The following AXDND1 variants were observed in gnomAD, a reference collection of about 807,000 sequenced individuals.
AXDND1 encodes the protein axonemal dynein light chain domain-containing protein 1.
AXDND1 carries 110 observed loss-of-function variants against 137.5 expected under a neutral mutation model. The observed-to-expected ratio is 0.80, with a 90% CI of 0.69 to 0.94. The LOEUF (loss-of-function observed/expected upper bound fraction) is 0.94. Ranked by LOEUF, AXDND1 falls within the 40% of genes least tolerant of loss-of-function variation. AXDND1 has a pLI of 0.00. For synonymous variants in AXDND1, 414 were observed against 399.7 expected (o/e 1.04, Z -0.43); for missense variants, 1,191 against 1,169.8 (o/e 1.02, Z -0.26).
At chr1:179,546,453 G>A (rs545427262) in intron 25 of AXDND1, among the ~76,000 whole-genome samples, 1 of 152,246 alleles carries the variant, frequency 6.6e-6, no homozygotes, top group South Asian at 2.1e-4. Flanking sequence ...CACCTTCTCA[G>A]GGTGTCCCTG....
chr1:179,396,221 A>G (rs1020784812), intron 11 of AXDND1, among the ~76,000 whole-genome samples: 6 of 151,876 alleles, frequency 4.0e-5, no homozygotes, highest in Non-Finnish European at 7.4e-5. Context: ...AAAAAAATAC[A>G]TCTATATCTA....
intron 16 of AXDND1, chr1:179,447,952 G>A: frequency 7.2e-7 from 1 of 1,393,908 alleles, no homozygotes; most frequent in Non-Finnish European, 1.0e-6. Flanking sequence ...CGTTGAGCTG[G>A]CTGCCAAAGA....
intron 18 of AXDND1, among the ~76,000 whole-genome samples, chr1:179,484,358 C>T (rs1223415358): frequency 6.6e-6 from 1 of 152,132 alleles, no homozygotes; most frequent in East Asian, 1.9e-4. Flanking sequence ...CTTTAGGAGA[C>T]ATTAATCTTA....
chr1:179,371,362 AG>A (rs749208952), intron 4 of AXDND1, among the ~76,000 whole-genome samples: 1 of 152,144 alleles, frequency 6.6e-6, no homozygotes, highest in East Asian at 1.9e-4. Context: ...CAGGAGGTGG[AG>A]GTTGCAGTGA....
chr1:179,407,321 T>A (rs767837269), intron 11 of AXDND1, among the ~76,000 whole-genome samples: 1 of 151,750 alleles, frequency 6.6e-6, no homozygotes, highest in Admixed American at 6.6e-5. Context: ...TCCGTTTCCC[T>A]GGTTCAAGCA....
intron 21 of AXDND1, among the ~76,000 whole-genome samples, chr1:179,513,024 C>T (rs1313444064): frequency 6.6e-6 from 1 of 152,116 alleles, no homozygotes; most frequent in African/African-American, 2.4e-5. Context: ...AGTTTGACTT[C>T]CTCTTTACCA....
intron 17 of AXDND1, among the ~76,000 whole-genome samples, chr1:179,477,655 G>A (rs949067535): frequency 6.6e-6 from 1 of 152,066 alleles, no homozygotes; most frequent in African/African-American, 2.4e-5. Flanking sequence ...TTTGGGTGGG[G>A]ACACAGCCAA....
chr1:179,378,748 GC>G lies in AXDND1; in HGVS notation c.490del (p.His164IlefsTer6). 3 of 1,555,020 alleles carry G rather than the reference GC, an allele frequency of 1.9e-6. No individual in the cohort carries two copies. Among genetic ancestry groups the G allele is most frequent in the Non-Finnish European group, 2.6e-6 (3 of 1,148,762 alleles). ...TACAGTCACATGATGGTGTCATTGT[GC>G]CCCATAAGGTAAATAAAGTATTTGA... ...SLQSHDGVIV[P>X]HKPKTLTDTL... On this transcript the variant is annotated frameshift_variant, in exon 5 of 26. Transcript: ENST00000367618. LOFTEE classifies it high-confidence loss of function.
Position 179,411,282 on chromosome 1 carries a change from T to A in AXDND1, c.1230+16T>A. Reference sequence around the variant, plus strand: ...GGCCCTGAAGGTTAGTTCATCTGGATTCACAACTCACACTTCTTTTTTGGC... The same window carrying A: ...GGCCCTGAAGGTTAGTTCATCTGGAATCACAACTCACACTTCTTTTTTGGC... On this transcript the variant is annotated intron_variant, in intron 12 of 25. Coordinates refer to ENST00000367618, the MANE Select transcript of AXDND1 (RefSeq NM_144696.6). 2 of 1,602,054 alleles carry A rather than the reference T, an allele frequency of 1.2e-6. No homozygotes were observed. The highest frequency in any genetic ancestry group is 1.7e-6 in the Non-Finnish European group (2 of 1,177,160).
intron 12 of AXDND1, among the ~76,000 whole-genome samples, chr1:179,424,747 A>G (rs1181358298): frequency 6.6e-6 from 1 of 151,768 alleles, no homozygotes; most frequent in Non-Finnish European, 1.5e-5. Flanking sequence ...GTTTCTTTCT[A>G]TCCTTTTTTC....
rs989259732 is a variant in AXDND1, at chr1:179,419,210, G to A, written c.1230+7944G>A. On this transcript the variant is annotated intron_variant, in intron 12 of 25. Transcript: ENST00000367618. The stretch of plus-strand genomic sequence containing the variant: ...CAGAGAGGCTCCTCACTTCCCAGAC[G>A]GGGTGGCAGCCGGGCAGAGGCTGCA... Among the ~76,000 whole-genome samples the A allele has an allele frequency of 1.3e-3, 197 of 151,920 alleles. 1 individual carries two copies. Among genetic ancestry groups the A allele is most frequent in the Non-Finnish European group, 2.5e-3 (170 of 67,900 alleles).
Position 179,436,472 on chromosome 1 carries a change from A to C in AXDND1, c.1563+4130A>C, listed in dbSNP as rs983015118. Among the ~76,000 whole-genome samples, 3 of 152,246 alleles carry C rather than the reference A, an allele frequency of 2.0e-5. No homozygotes were observed. The East Asian group carries it at 5.8e-4, about 29-fold the overall frequency. Reference sequence around the variant, plus strand: ...CCATCAATGGTAGACTGGATAAAGAAAATGTGGTACATATACACCATGAAA... The same window carrying C: ...CCATCAATGGTAGACTGGATAAAGACAATGTGGTACATATACACCATGAAA... On this transcript the variant is annotated intron_variant, in intron 15 of 25. Transcript: ENST00000367618.
At chr1:179,436,116 G>C (rs1011269884) in intron 15 of AXDND1, among the ~76,000 whole-genome samples, 2 of 152,134 alleles carry the variant, frequency 1.3e-5, no homozygotes, top group African/African-American at 2.4e-5. Flanking sequence ...CTGATAATTA[G>C]AGAAATGCAA....
intron 17 of AXDND1, among the ~76,000 whole-genome samples, chr1:179,471,309 A>C (rs1468915727): frequency 6.6e-6 from 1 of 152,142 alleles, no homozygotes; most frequent in Non-Finnish European, 1.5e-5. Context: ...GTGTTGATTC[A>C]TCTTTGGCTC....
At chr1:179,499,267 A>G (rs938395190) in intron 20 of AXDND1, among the ~76,000 whole-genome samples, 2 of 152,214 alleles carry the variant, frequency 1.3e-5, no homozygotes, top group South Asian at 2.1e-4. Context: ...GCAGTAAAGA[A>G]GTACTGATAC....
Position 179,534,833 on chromosome 1 carries a change from A to G in AXDND1, c.2902A>G (p.Met968Val). 6.2e-7 allele frequency: 1 copy of G among 1,610,728 alleles called. No homozygotes were observed. Among genetic ancestry groups the G allele is most frequent in the Non-Finnish European group, 8.5e-7 (1 of 1,179,304 alleles). The change falls in exon 25 of 26, where the codon ATG (methionine) becomes GTG (valine). Residue 968 changes from methionine (M) to valine (V), a missense_variant. By Grantham distance (21) the Met-to-Val change is conservative. Transcript: ENST00000367618. ...AAATAAAGATCTAGAGGAATTAGTC[A>G]TGACATCAAGAAAGGAGTCTAAAGA... ...IKNKDLEELV[M>V]TSRKESKEEK... is the part of the protein sequence containing the mutation.
At chr1:179,412,120 G>A (rs1433594985) in intron 12 of AXDND1, among the ~76,000 whole-genome samples, 1 of 151,940 alleles carries the variant, frequency 6.6e-6, no homozygotes, top group Non-Finnish European at 1.5e-5. Flanking sequence ...CAAAGTGCTG[G>A]GATTACATGC....
chr1:179,368,145 C>G (rs141801586), intron 2 of AXDND1, among the ~76,000 whole-genome samples: 1 of 152,314 alleles, frequency 6.6e-6, no homozygotes, highest in Admixed American at 6.5e-5. Context: ...CCCTACCTGA[C>G]TGACTTCATA....
chr1:179,382,811 C>A (rs1648596302), intron 7 of AXDND1, 55 bp downstream of exon 7: 6 of 1,344,200 alleles, frequency 4.5e-6, no homozygotes, highest in African/African-American at 2.9e-5. Flanking sequence ...TATATACATA[C>A]ACATTTCTTG....
Sources: gnomAD v4.1 joint callset for allele counts (sites outside exome capture counted in the v4.1 genomes callset) on GRCh38, gnomAD v4.1.1 for gene constraint, MANE v1.5 for transcripts, NCBI Gene and HGNC (gene_info 2026-07-23, HGNC 2026-07-21) for gene names.